Variants in MLC1 observed in about 807,000 individuals in gnomAD.
MLC1 encodes modulator of VRAC current 1.
A neutral mutation model predicts 44.7 loss-of-function variants in MLC1; 32 were observed. The ratio of observed to expected loss-of-function variants is 0.72; its 90% CI spans 0.54 to 0.96. The LOEUF is 0.96. Ranked by LOEUF, MLC1 falls within the 40% of genes least tolerant of loss-of-function variation. The pLI is 0.00. For missense variants in MLC1, 459 were observed against 492.2 expected (o/e 0.93, Z 0.64); for synonymous variants, 190 against 213.0 (o/e 0.89, Z 0.94).
intron 10 of MLC1, among the ~76,000 whole-genome samples, chr22:50,067,810 T>G (rs532152053): frequency 3.1e-5 from 3 of 95,834 alleles, no homozygotes; most frequent in Admixed American, 2.7e-4. Context: ...CATCAGACAG[T>G]GACTCCATCC....
intron 3 of MLC1, among the ~76,000 whole-genome samples, chr22:50,081,662 G>A (rs1014043251): frequency 4.6e-5 from 7 of 152,396 alleles, no homozygotes; most frequent in African/African-American, 1.7e-4. Flanking sequence ...AGCAGTGCTG[G>A]GTGAGGAGGC....
Position 50,064,113 on chromosome 22 carries a change from ACGCACTGGATGGCGGTGCCCGTGTTG to A in MLC1, c.954_979del (p.Asn319AlafsTer74). 1 of 1,609,100 alleles carries A rather than the reference ACGCACTGGATGGCGGTGCCCGTGTTG, an allele frequency of 6.2e-7. No homozygotes were observed. The highest frequency in any genetic ancestry group is 8.5e-7 in the Non-Finnish European group (1 of 1,179,374). ...CAGCCTTGCACTGACCTTGAAGCGC[ACGCACTGGATGGCGGTGCCCGTGTTG>A]AGGCCGGCCTGCAGCAGGAGCACTA... On this transcript the variant is annotated frameshift_variant, in exon 11 of 12. Coordinates refer to ENST00000311597, the MANE Select transcript of MLC1 (RefSeq NM_015166.4). LOFTEE classifies it high-confidence loss of function.
chr22:50,084,197 G>C (rs774343148), intron 2 of MLC1, among the ~76,000 whole-genome samples: 1 of 152,156 alleles, frequency 6.6e-6, no homozygotes, highest in African/African-American at 2.4e-5. Flanking sequence ...CTGTGCCCAC[G>C]ACTGTGCAGG....
At chr22:50,068,613 G>C in intron 9 of MLC1, 58 bp from the exon 10 acceptor site, 2 of 1,597,270 alleles carry the variant, frequency 1.3e-6, no homozygotes, top group East Asian at 2.2e-5. Context: ...CCAGGACAGC[G>C]GGCGTGGCCA....
Position 50,074,268 on chromosome 22 carries a change from T to A in MLC1, c.662A>T (p.Asp221Val). The change falls in exon 8 of 12, where the codon GAC becomes GTC. Residue 221 changes from aspartate (D) to valine (V), a missense_variant. Asp to Val is a radical substitution (Grantham distance 152). Transcript: ENST00000311597. ...LGGIIALNVD[D>V]SVSGPHLSVT... Reference sequence around the variant, plus strand: ...TGAGAGGTGTGGGCCTGAAACTGAGTCATCCACGTTCAGGGCAATGATCCC... The same window carrying A: ...TGAGAGGTGTGGGCCTGAAACTGAGACATCCACGTTCAGGGCAATGATCCC... 1.9e-6 allele frequency: 3 copies of A among 1,613,828 alleles called. No homozygotes were observed. Among genetic ancestry groups the A allele is most frequent in the Non-Finnish European group, 2.5e-6 (3 of 1,179,956 alleles).
intron 4 of MLC1, 49 bp downstream of exon 4, chr22:50,080,295 G>T: frequency 1.9e-6 from 3 of 1,566,666 alleles, no homozygotes; most frequent in Non-Finnish European, 2.6e-6. Context: ...CTGTCTGTCA[G>T]CCCCTCCGGC....
intron 5 of MLC1, among the ~76,000 whole-genome samples, chr22:50,078,431 C>G (rs1431057234): frequency 6.6e-6 from 1 of 152,142 alleles, no homozygotes; most frequent in African/African-American, 2.4e-5. Context: ...GGACTTGAAA[C>G]ACTTTTCTTA....
intron 8 of MLC1, among the ~76,000 whole-genome samples, chr22:50,071,768 C>T (rs2061857346): frequency 6.6e-6 from 1 of 152,178 alleles, no homozygotes. Context: ...TTGTGAGGAG[C>T]CTGCCTTAGT....
intron 9 of MLC1, among the ~76,000 whole-genome samples, chr22:50,069,310 G>A (rs4311156): frequency 2.4e-4 from 36 of 152,002 alleles, no homozygotes; most frequent in African/African-American, 8.2e-4. Context: ...ACAGGCATGA[G>A]CAGCCTGCCT....
At chr22:50,076,652 C>T (rs779659760) in intron 7 of MLC1, among the ~76,000 whole-genome samples, 189 bp downstream of exon 7, 49 of 152,240 alleles carry the variant, frequency 3.2e-4, no homozygotes, top group Middle Eastern at 3.4e-3. Flanking sequence ...CAGCACCTTT[C>T]GCGATAAGGA....
chr22:50,085,120 C>A, intron 1 of MLC1, 159 bp from the exon 2 acceptor site: 1 of 1,427,704 alleles, frequency 7.0e-7, no homozygotes, highest in Non-Finnish European at 9.1e-7. Flanking sequence ...AAAGAAATAA[C>A]TTTCCTAGAA....
Position 50,084,742 on chromosome 22 carries a change from A to G in MLC1, c.161T>C (p.Phe54Ser), listed in dbSNP as rs2062238116. Reference sequence around the variant, plus strand: ...GCTACTCACCCCCATCAGCACAGAGAAGACCCACGTCTTGTGGCTGAAGCA... The same window carrying G: ...GCTACTCACCCCCATCAGCACAGAGGAGACCCACGTCTTGTGGCTGAAGCA... ...PPCFSHKTWV[F>S]SVLMGSCLLV... The change falls in exon 2 of 12, where the codon TTC (phenylalanine) becomes TCC (serine). Residue 54 changes from phenylalanine (F) to serine (S), a missense_variant. Phe to Ser is a radical substitution (Grantham distance 155, BLOSUM62 -2). Transcript: ENST00000311597. 5 of 1,614,068 alleles carry G rather than the reference A, an allele frequency of 3.1e-6. No homozygotes were observed. The highest frequency in any genetic ancestry group is 4.2e-6 in the Non-Finnish European group (5 of 1,180,028).
In MLC1 at chr22:50,083,724, G is replaced by A. The variant is rs11913905; in HGVS notation, c.178-551C>T. Among the ~76,000 whole-genome samples the A allele has an allele frequency of 0.13, 20,544 of 152,190 alleles. 1,655 individuals are homozygous for A. Among genetic ancestry groups the A allele is most frequent in the East Asian group, 0.24 (1,221 of 5,156 alleles). ...CACAGCACTGCAGGGGTGCGGTGGG[G>A]AGGGGGCTCTCTCTCACGCACAGCA... On this transcript the variant is annotated intron_variant, in intron 2 of 11. Coordinates refer to ENST00000311597, the MANE Select transcript of MLC1 (RefSeq NM_015166.4). The surrounding 1 kb of genome is among the most constrained non-coding windows in gnomAD (Gnocchi z 4.6).
rs2061586925 is a variant in MLC1 at position 50,062,287 on chromosome 22, G to GCCCACCC, written c.1060-631_1060-630insGGGTGGG. 1.0e-3 allele frequency among the ~76,000 whole-genome samples: 123 copies of GCCCACCC among 123,406 alleles called. 3 individuals carry two copies. Among genetic ancestry groups the GCCCACCC allele is most frequent in the African/African-American group, 2.6e-3 (88 of 34,172 alleles). 81.0% of individuals were successfully genotyped at this position (123,406 alleles called of 152,430 possible). A position where few individuals can be genotyped will look rare whatever the true frequency, so the allele number is the denominator to read the frequency against. ...AAGCCACCCACCTTGAGCCCCAGCC[G>GCCCACCC]TCCATCCTGAGCCCCAGCCGCCCAC... is the stretch of plus-strand genomic sequence containing the variant. On this transcript the variant is annotated intron_variant, in intron 11 of 11. Coordinates refer to ENST00000311597, the MANE Select transcript of MLC1 (RefSeq NM_015166.4).
At chr22:50,078,239 C>A (rs1265958372) in intron 5 of MLC1, among the ~76,000 whole-genome samples, 2 of 151,806 alleles carry the variant, frequency 1.3e-5, no homozygotes, top group Non-Finnish European at 2.9e-5. Flanking sequence ...GTTCCGCCCA[C>A]CTCGGCCTCC....
intron 8 of MLC1, among the ~76,000 whole-genome samples, chr22:50,071,005 C>T (rs749677243): frequency 7.9e-5 from 12 of 152,180 alleles, no homozygotes; most frequent in Non-Finnish European, 1.2e-4. Context: ...AGCAGGACCA[C>T]GCTCGAGAGA....
At chr22:50,071,550 C>G (rs113589057) in intron 8 of MLC1, among the ~76,000 whole-genome samples, 11 of 152,310 alleles carry the variant, frequency 7.2e-5, no homozygotes, top group African/African-American at 2.6e-4. Context: ...TGCAGCCCAT[C>G]AGCTGCAGTC....
At chr22:50,062,995 G>T (rs780048471) in intron 11 of MLC1, among the ~76,000 whole-genome samples, 2 of 152,176 alleles carry the variant, frequency 1.3e-5, no homozygotes, top group East Asian at 1.9e-4. Context: ...TGCCAGGCTG[G>T]GTGGGCATTG....
At chr22:50,079,215 T>G (rs1052138356) in intron 5 of MLC1, among the ~76,000 whole-genome samples, 1 of 150,710 alleles carries the variant, frequency 6.6e-6, no homozygotes, top group African/African-American at 2.4e-5. Context: ...ACCCGGGAGG[T>G]AGAGGTTGCA....
Sources: allele counts gnomAD v4.1 joint callset (sites outside exome capture counted in the v4.1 genomes callset), GRCh38; gene constraint gnomAD v4.1.1; non-coding constraint Gnocchi (gnomAD v3.1); transcripts MANE v1.5; gene names NCBI Gene and HGNC (gene_info 2026-07-23, HGNC 2026-07-21).